Variants in PRH1 observed in about 807,000 individuals in gnomAD.
The protein encoded by PRH1 is salivary acidic proline-rich phosphoprotein 1/2.
Under a neutral mutation model 7.9 loss-of-function variants are expected in PRH1, and 7 were observed. That is an observed-to-expected ratio of 0.89 (90% CI 0.50 to 1.67). PRH1 has a LOEUF of 1.67. PRH1 is among the 40% of genes most tolerant of loss of function. PRH1 has a pLI of 0.00. For synonymous variants in PRH1, 45 were observed against 80.8 expected (o/e 0.56, Z 2.38); for missense variants, 109 against 223.6 (o/e 0.49, Z 3.27).
At chr12:11,072,296 A>G (rs1944109546) in intron 1 of PRH1, among the ~76,000 whole-genome samples, 1 of 152,044 alleles carries the variant, frequency 6.6e-6, no homozygotes, top group African/African-American at 2.4e-5. Context: ...CTGCACTGGG[A>G]GTTTTTGAAG....
intron 2 of PRH1, among the ~76,000 whole-genome samples, chr12:10,914,041 G>A (rs1189989606): frequency 6.6e-6 from 1 of 152,144 alleles, no homozygotes; most frequent in Non-Finnish European, 1.5e-5. Flanking sequence ...CCTAACTTAT[G>A]TGACACTGGC....
chr12:11,161,342 C>T (rs1947406997), intron 1 of PRH1, among the ~76,000 whole-genome samples: 2 of 152,190 alleles, frequency 1.3e-5, no homozygotes, highest in Admixed American at 1.3e-4. Context: ...CCCAGTCTAA[C>T]ACAGAAATTG....
At chr12:10,989,928 C>A (rs976776164) in intron 1 of PRH1, among the ~76,000 whole-genome samples, 1 of 152,094 alleles carries the variant, frequency 6.6e-6, no homozygotes, top group Non-Finnish European at 1.5e-5. Flanking sequence ...TCTTTGATAT[C>A]CTGTGGCATT....
At chr12:11,165,156 T>C (rs181147662) in intron 1 of PRH1, among the ~76,000 whole-genome samples, 35 of 152,312 alleles carry the variant, frequency 2.3e-4, no homozygotes, top group African/African-American at 7.9e-4. Context: ...CTGGGTTTCA[T>C]GGTATTTTTT....
At chr12:10,979,104 A>G (rs1939236233) in intron 1 of PRH1, among the ~76,000 whole-genome samples, 1 of 152,114 alleles carries the variant, frequency 6.6e-6, no homozygotes, top group African/African-American at 2.4e-5. Flanking sequence ...CCACTTGAAG[A>G]CGGAGGGCAG....
intron 1 of PRH1, chr12:11,171,185 G>T: frequency 2.5e-6 from 1 of 403,166 alleles, no homozygotes; most frequent in East Asian, 3.6e-5. Context: ...GAGCGCCAGC[G>T]GCGCCCGGGG....
At chr12:11,162,861 G>A (rs1310357895) in intron 1 of PRH1, among the ~76,000 whole-genome samples, 1 of 152,202 alleles carries the variant, frequency 6.6e-6, no homozygotes, top group African/African-American at 2.4e-5. Flanking sequence ...GGAAAAATGT[G>A]TTAATATTTG....
At chr12:10,947,160 T>C (rs1207390683) in intron 2 of PRH1, among the ~76,000 whole-genome samples, 1 of 152,196 alleles carries the variant, frequency 6.6e-6, no homozygotes, top group Non-Finnish European at 1.5e-5. Context: ...GGTCCAATGC[T>C]AAGTTTAGGT....
At chr12:10,951,474 C>G (rs1245605653) in intron 2 of PRH1, among the ~76,000 whole-genome samples, 1 of 152,132 alleles carries the variant, frequency 6.6e-6, no homozygotes, top group Non-Finnish European at 1.5e-5. Context: ...GACATATACA[C>G]CCATACACAT....
chr12:11,142,997 C>G (rs1946749431), intron 1 of PRH1, among the ~76,000 whole-genome samples: 1 of 152,118 alleles, frequency 6.6e-6, no homozygotes, highest in Non-Finnish European at 1.5e-5. Flanking sequence ...AATATGTAAT[C>G]ACCTAAAGCT....
At chr12:10,963,063 C>G (rs1938327592) in intron 2 of PRH1, among the ~76,000 whole-genome samples, 1 of 152,316 alleles carries the variant, frequency 6.6e-6, no homozygotes, top group Admixed American at 6.5e-5. Context: ...AGCCACCGAC[C>G]CCGACCAGGG....
intron 1 of PRH1, among the ~76,000 whole-genome samples, chr12:11,026,710 T>C (rs914816800): frequency 1.3e-5 from 2 of 152,158 alleles, no homozygotes; most frequent in African/African-American, 2.4e-5. Flanking sequence ...ATAGAATGAA[T>C]GCAGACTACC....
chr12:10,931,711 A>G (rs1950216042), intron 2 of PRH1, among the ~76,000 whole-genome samples: 3 of 152,062 alleles, frequency 2.0e-5, no homozygotes, highest in Non-Finnish European at 2.9e-5. Context: ...TAATTTTCCC[A>G]CCACTAATAC....
At chr12:10,954,362 G>A (rs1937845792) in intron 2 of PRH1, among the ~76,000 whole-genome samples, 2 of 152,194 alleles carry the variant, frequency 1.3e-5, no homozygotes. Flanking sequence ...GTCTTCAAGA[G>A]ACTCACTTAC....
Position 10,920,200 on chromosome 12 carries a change from TAA to T in PRH1, c.-58-35927_-58-35926del, listed in dbSNP as rs1382106200. On this transcript the variant is annotated intron_variant, in intron 2 of 3. Coordinates refer to the PRH1 transcript ENST00000539853. ...TGAGCCACTAAATAAATAATTTAAA[TAA>T]GTCTTGCTATCTACTGGATACCCCT... Among the ~76,000 whole-genome samples the T allele has an allele frequency of 2.6e-5, 4 of 151,590 alleles. No individual in the cohort carries two copies. In the East Asian group the frequency reaches 5.8e-4, roughly 22 times the overall value.
intron 1 of PRH1, among the ~76,000 whole-genome samples, chr12:11,106,666 T>C (rs1293195294): frequency 8.2e-6 from 1 of 122,506 alleles, no homozygotes; most frequent in Non-Finnish European, 1.9e-5. Context: ...GATGTTAAAA[T>C]CAGTCTCCAA....
intron 1 of PRH1, among the ~76,000 whole-genome samples, chr12:11,064,620 A>AT (rs1381579667): frequency 6.8e-6 from 1 of 146,130 alleles, no homozygotes; most frequent in East Asian, 2.0e-4. Flanking sequence ...CCTCCATTCT[A>AT]TTTTTTGCCA....
chr12:11,138,630 T>G (rs1312961588), intron 1 of PRH1, among the ~76,000 whole-genome samples: 2 of 152,176 alleles, frequency 1.3e-5, no homozygotes, highest in African/African-American at 4.8e-5. Flanking sequence ...AAATTGGAAA[T>G]AAGAATAAAG....
intron 2 of PRH1, among the ~76,000 whole-genome samples, chr12:10,961,233 G>GGAGT (rs1205711554): frequency 4.0e-5 from 6 of 151,404 alleles, no homozygotes. Flanking sequence ...CTTCAGCAGA[G>GGAGT]GAGTGCCCTC....
Sources: gnomAD v4.1 joint callset for allele counts (sites outside exome capture counted in the v4.1 genomes callset) on GRCh38, gnomAD v4.1.1 for gene constraint, MANE v1.5 for transcripts, NCBI Gene and HGNC (gene_info 2026-07-23, HGNC 2026-07-21) for gene names.